The following CDH2 variants were observed in gnomAD, a reference collection of about 807,000 sequenced individuals.
CDH2 encodes cadherin 2.
In CDH2, 17 loss-of-function variants were observed where a neutral mutation model predicts 92.0. The observed-to-expected ratio is 0.18, with a 90% CI of 0.13 to 0.28. The LOEUF is 0.28. Among genes scored for constraint, CDH2 ranks in the 10% least tolerant of loss-of-function variants. The probability of loss-of-function intolerance (pLI) is 1.00; values close to 1 mark genes in which losing one functional copy is unlikely to be tolerated. For missense variants in CDH2, 862 were observed against 1,133.1 expected, an observed-to-expected ratio of 0.76 and a Z score of 3.44; for synonymous variants, 419 against 415.9, an observed-to-expected ratio of 1.01 and a Z score of -0.09.
chr18:28,005,627 G>A (rs1384578443), intron 6 of CDH2, among the ~76,000 whole-genome samples: 1 of 152,062 alleles, frequency 6.6e-6, no homozygotes, highest in African/African-American at 2.4e-5. Context: ...TTTTTCAAAG[G>A]TGGGAAAAAT....
chr18:27,985,539 G>T lies in CDH2; in HGVS notation c.1964C>A (p.Thr655Asn). The T allele has an allele frequency of 6.2e-7, 1 of 1,603,624 alleles. No homozygotes were observed. Among genetic ancestry groups the T allele is most frequent in the Non-Finnish European group, 8.5e-7 (1 of 1,170,504 alleles). ...TAACCTGTTCTTACCATTAAGCCGA[G>T]TGATGGTCCAATTTCTCTTAATAGT... ...PVTIKRNWTI[T>N]RLNGDFAQLN... The change falls in exon 12 of 16, where the codon ACT becomes AAT. Residue 655 changes from threonine (T) to asparagine (N), a missense_variant. Thr to Asn is a moderately conservative substitution (Grantham distance 65, BLOSUM62 0). Coordinates refer to ENST00000269141, the MANE Select transcript of CDH2 (RefSeq NM_001792.5).
chr18:28,149,413 T>G (rs967253299), intron 1 of CDH2, among the ~76,000 whole-genome samples: 10 of 152,176 alleles, frequency 6.6e-5, no homozygotes, highest in African/African-American at 2.2e-4. Flanking sequence ...AAAAGTCAGT[T>G]TCTTTAAGTT....
chr18:28,068,902 G>T (rs542922146), intron 2 of CDH2, among the ~76,000 whole-genome samples: 4 of 152,118 alleles, frequency 2.6e-5, no homozygotes, highest in Non-Finnish European at 4.4e-5. Context: ...ATTACATAGA[G>T]GACAAGTCTC....
chr18:28,012,012 A>G lies in CDH2; in HGVS notation c.400-20T>C, dbSNP rs1417256130. 1 of 1,607,858 alleles carries G rather than the reference A, an allele frequency of 6.2e-7. No homozygotes were observed. The highest frequency in any genetic ancestry group is 1.7e-5 in the Admixed American group (1 of 59,764). ...TGACTCCTTTACATTAAAATAGAAG[A>G]CATTCCTGAGTACTAGGAAACACAT... On this transcript the variant is annotated intron_variant, in intron 3 of 15. Coordinates refer to ENST00000269141, the MANE Select transcript of CDH2 (RefSeq NM_001792.5).
intron 2 of CDH2, among the ~76,000 whole-genome samples, chr18:28,075,392 T>C (rs772986229): frequency 6.6e-6 from 1 of 152,110 alleles, no homozygotes; most frequent in Non-Finnish European, 1.5e-5. Context: ...CTAGCAAGAC[T>C]CATCCTTCTA....
intron 2 of CDH2, among the ~76,000 whole-genome samples, chr18:28,110,209 C>T (rs899083607): frequency 1.3e-5 from 2 of 152,198 alleles, no homozygotes; most frequent in African/African-American, 2.4e-5. Context: ...AGCATTATCC[C>T]GTAGTTAATT....
intron 2 of CDH2, among the ~76,000 whole-genome samples, chr18:28,039,274 A>G (rs1452612591): frequency 6.6e-6 from 1 of 152,088 alleles, no homozygotes; most frequent in Non-Finnish European, 1.5e-5. Context: ...AAGGGCAAGG[A>G]TACATGACTC....
intron 1 of CDH2, among the ~76,000 whole-genome samples, chr18:28,160,403 C>T (rs2016289596): frequency 1.3e-5 from 2 of 152,138 alleles, no homozygotes. Flanking sequence ...ATTATTTCAA[C>T]ATCTACTGCC....
At chr18:28,111,842 G>T (rs1032328007) in intron 2 of CDH2, among the ~76,000 whole-genome samples, 66 of 151,978 alleles carry the variant, frequency 4.3e-4, no homozygotes, top group Non-Finnish European at 2.2e-4. Flanking sequence ...ATTCTGTTCT[G>T]AACTGAATAA....
At chr18:28,007,445 G>A (rs2012970793) in intron 5 of CDH2, among the ~76,000 whole-genome samples, 1 of 150,968 alleles carries the variant, frequency 6.6e-6, no homozygotes. Context: ...CTTGCCATTG[G>A]TTGCTGCTGG....
chr18:27,948,778 G>A (rs1443246605), downstream of CDH2, among the ~76,000 whole-genome samples: 1 of 151,922 alleles, frequency 6.6e-6, no homozygotes, highest in African/African-American at 2.4e-5. Flanking sequence ...TGATGTCCAG[G>A]ACTGTTGAGG....
At chr18:28,030,726 A>T (rs1298418477) in intron 2 of CDH2, among the ~76,000 whole-genome samples, 1 of 152,054 alleles carries the variant, frequency 6.6e-6, no homozygotes, top group Non-Finnish European at 1.5e-5. Flanking sequence ...GCTGGGCTTG[A>T]GCAAAGGCAG....
intron 2 of CDH2, among the ~76,000 whole-genome samples, chr18:28,107,292 C>T (rs975091419): frequency 6.6e-6 from 1 of 151,790 alleles, no homozygotes; most frequent in East Asian, 1.9e-4. Context: ...TGTAGTGAAA[C>T]TAAAATACTC....
At chr18:28,159,940 A>C (rs1285280666) in intron 1 of CDH2, among the ~76,000 whole-genome samples, 1 of 152,154 alleles carries the variant, frequency 6.6e-6, no homozygotes, top group Non-Finnish European at 1.5e-5. Context: ...TACAGGCGTG[A>C]GCCACCACGC....
At chr18:28,036,839 A>G (rs1270074822) in intron 2 of CDH2, among the ~76,000 whole-genome samples, 2 of 152,148 alleles carry the variant, frequency 1.3e-5, no homozygotes, top group Admixed American at 6.6e-5. Context: ...AACAAAATAC[A>G]ACGTAAGAAT....
At chr18:27,938,289 C>T (rs1194012082) in intron 6 of CDH2, among the ~76,000 whole-genome samples, 1 of 152,110 alleles carries the variant, frequency 6.6e-6, no homozygotes, top group Non-Finnish European at 1.5e-5. Flanking sequence ...TAATAAATTA[C>T]CCAGTCTCAG....
chr18:28,044,246 G>A (rs186121197), intron 2 of CDH2, among the ~76,000 whole-genome samples: 188 of 152,200 alleles, frequency 1.2e-3, no homozygotes, highest in African/African-American at 3.4e-3. Flanking sequence ...GGTAAATAAA[G>A]ACAAGAACCA....
At chr18:28,161,053 T>C (rs1373725054) in intron 1 of CDH2, among the ~76,000 whole-genome samples, 1 of 152,178 alleles carries the variant, frequency 6.6e-6, no homozygotes, top group East Asian at 1.9e-4. Context: ...TTGCAGATTA[T>C]AGACAAGAGG....
intron 15 of CDH2, among the ~76,000 whole-genome samples, chr18:27,958,954 C>A (rs2011327040): frequency 6.6e-6 from 1 of 152,072 alleles, no homozygotes; most frequent in Non-Finnish European, 1.5e-5. Flanking sequence ...CTTTCCCAGC[C>A]CTGTGGAAAT....
Sources: allele counts gnomAD v4.1 joint callset (sites outside exome capture counted in the v4.1 genomes callset), GRCh38; gene constraint gnomAD v4.1.1; transcripts MANE v1.5; gene names NCBI Gene and HGNC (gene_info 2026-07-23, HGNC 2026-07-21).